CHCHD6: variants seen among roughly 807,000 people sequenced by gnomAD.
The protein encoded by CHCHD6 is MICOS complex subunit MIC25.
CHCHD6 carries 28 observed loss-of-function variants against 32.3 expected under a neutral mutation model. The observed-to-expected ratio is 0.87, with a 90% confidence interval of 0.64 to 1.19. CHCHD6 has a LOEUF of 1.19. Among genes scored for constraint, CHCHD6 ranks in the 50% most tolerant of loss-of-function variants. The pLI is 0.00. For synonymous variants in CHCHD6, 122 were observed against 117.5 expected, an observed-to-expected ratio of 1.04 and a Z score of -0.25; for missense variants, 333 against 307.0, an observed-to-expected ratio of 1.08 and a Z score of -0.63.
chr3:126,871,665 T>G (rs1339509746), intron 5 of CHCHD6, among the ~76,000 whole-genome samples: 2 of 143,478 alleles, frequency 1.4e-5, no homozygotes, highest in African/African-American at 5.2e-5. Context: ...CCCCAACTTT[T>G]TTTTTTTTTT....
At chr3:126,857,025 T>C (rs890843743) in intron 5 of CHCHD6, among the ~76,000 whole-genome samples, 2 of 152,190 alleles carry the variant, frequency 1.3e-5, no homozygotes, top group Non-Finnish European at 2.9e-5. Context: ...CAGTCCTCTT[T>C]CATGTTATTT....
intron 4 of CHCHD6, among the ~76,000 whole-genome samples, chr3:126,747,622 A>G (rs11718344): frequency 0.091 from 13,874 of 152,222 alleles, 810 homozygotes; most frequent in Middle Eastern, 0.21. Context: ...GGCACTTTGT[A>G]TATCAGAAAT....
At chr3:126,757,970 C>G (rs963967368) in intron 4 of CHCHD6, among the ~76,000 whole-genome samples, 7 of 152,218 alleles carry the variant, frequency 4.6e-5, no homozygotes, top group Non-Finnish European at 1.0e-4. Context: ...AGATTATAAA[C>G]TGGTTTGGAT....
At chr3:126,797,714 C>G (rs1938860654) in intron 4 of CHCHD6, among the ~76,000 whole-genome samples, 1 of 152,222 alleles carries the variant, frequency 6.6e-6, no homozygotes, top group Non-Finnish European at 1.5e-5. Context: ...TCCTTGCCCC[C>G]AGGGCCACTC....
chr3:126,800,189 A>G (rs1938996881), intron 4 of CHCHD6, among the ~76,000 whole-genome samples: 1 of 152,238 alleles, frequency 6.6e-6, no homozygotes, highest in South Asian at 2.1e-4. Context: ...TCTAGGAAAG[A>G]TAAAACTCAA....
At chr3:126,849,839 T>C (rs1941411003) in intron 4 of CHCHD6, among the ~76,000 whole-genome samples, 1 of 152,224 alleles carries the variant, frequency 6.6e-6, no homozygotes, top group South Asian at 2.1e-4. Flanking sequence ...GTCTGTCACA[T>C]AGAGGTGTCC....
At chr3:126,764,718 G>A (rs1160751327) in intron 4 of CHCHD6, among the ~76,000 whole-genome samples, 3 of 152,230 alleles carry the variant, frequency 2.0e-5, no homozygotes, top group Non-Finnish European at 2.9e-5. Context: ...AGGATTCCAG[G>A]AGCACAGATG....
chr3:126,817,054 A>G (rs1183577841), intron 4 of CHCHD6, among the ~76,000 whole-genome samples: 2 of 152,000 alleles, frequency 1.3e-5, no homozygotes, highest in African/African-American at 4.8e-5. Context: ...ATCCTTTTTT[A>G]TGGTTGCATA....
At chr3:126,903,093 T>C (rs2077954258) in intron 5 of CHCHD6, among the ~76,000 whole-genome samples, 1 of 152,164 alleles carries the variant, frequency 6.6e-6, no homozygotes, top group African/African-American at 2.4e-5. Context: ...TGGGGCCTGC[T>C]CTCAGGAGTG....
intron 6 of CHCHD6, among the ~76,000 whole-genome samples, chr3:126,946,797 C>T (rs559829635): frequency 2.0e-5 from 3 of 152,168 alleles, no homozygotes; most frequent in Admixed American, 6.5e-5. Flanking sequence ...CTAATTCACT[C>T]GGAATCTCCT....
intron 4 of CHCHD6, 149 bp downstream of exon 4, chr3:126,733,371 C>A: frequency 1.4e-6 from 1 of 719,018 alleles, no homozygotes. Flanking sequence ...GGAAAAGGGT[C>A]TTTTGGGAGC....
At chr3:126,721,167 C>T (rs1454198216) in intron 1 of CHCHD6, among the ~76,000 whole-genome samples, 2 of 152,198 alleles carry the variant, frequency 1.3e-5, no homozygotes, top group Non-Finnish European at 2.9e-5. Context: ...CCACGCAGGC[C>T]GTGGTGATGT....
chr3:126,723,971 GCTGTTTCATCTCAGTAAA>G (rs1935425880), intron 1 of CHCHD6, among the ~76,000 whole-genome samples: 1 of 152,174 alleles, frequency 6.6e-6, no homozygotes, highest in Non-Finnish European at 1.5e-5. Flanking sequence ...TCCCCAGCTT[GCTGTTTCATCTCAGTAAA>G]CTGTTTTATG....
chr3:126,750,151 C>G (rs889465355), intron 4 of CHCHD6, among the ~76,000 whole-genome samples: 1 of 152,218 alleles, frequency 6.6e-6, no homozygotes, highest in Non-Finnish European at 1.5e-5. Context: ...CTGCTCAGTT[C>G]TCCATAGTTA....
At position 126,903,376 on chromosome 3, in the gene CHCHD6, G is replaced by A. The variant is rs370634541; in HGVS notation, c.496-11304G>A. Among the ~76,000 whole-genome samples the A allele has an allele frequency of 4.6e-5, 7 of 152,184 alleles. No homozygotes were observed. The East Asian group carries it at 1.4e-3, about 30-fold the overall frequency. On this transcript the variant is annotated intron_variant, in intron 5 of 7. Coordinates refer to ENST00000290913, the MANE Select transcript of CHCHD6 (RefSeq NM_032343.3). ...ACCCTGGAATTCCCTCCCAGCCTCG[G>A]ATTTCCCAGCTTTTGGGTTGTCCTT...
intron 2 of CHCHD6, among the ~76,000 whole-genome samples, chr3:126,728,017 A>G (rs1935616947): frequency 6.6e-6 from 1 of 151,440 alleles, no homozygotes; most frequent in Non-Finnish European, 1.5e-5. Flanking sequence ...GCCACCACGG[A>G]AGGACCGACT....
At chr3:126,852,826 ACCCAGTG>A in intron 5 of CHCHD6, 96 bp downstream of exon 5, 1 of 820,174 alleles carries the variant, frequency 1.2e-6, no homozygotes, top group South Asian at 1.5e-5. Flanking sequence ...GAGTCCGCAG[ACCCAGTG>A]CCCATTCGCC....
intron 4 of CHCHD6, among the ~76,000 whole-genome samples, chr3:126,787,400 A>G (rs144762223): frequency 0.019 from 2,847 of 152,296 alleles, 49 homozygotes; most frequent in South Asian, 0.038. Context: ...CATTGAATCT[A>G]TAAGTTACCT....
At chr3:126,921,611 G>A (rs1403466687) in intron 6 of CHCHD6, among the ~76,000 whole-genome samples, 1 of 152,158 alleles carries the variant, frequency 6.6e-6, no homozygotes, top group African/African-American at 2.4e-5. Flanking sequence ...CCCTCAAAGA[G>A]GTTAGAACAA....
Sources: gnomAD v4.1 joint callset for allele counts (sites outside exome capture counted in the v4.1 genomes callset) on GRCh38, gnomAD v4.1.1 for gene constraint, MANE v1.5 for transcripts, NCBI Gene and HGNC (gene_info 2026-07-23, HGNC 2026-07-21) for gene names.